The following ZNF367 variants were observed in gnomAD, a reference collection of about 807,000 sequenced individuals.
ZNF367 encodes the protein C2H2 zinc finger protein ZFF29.
Under a neutral mutation model 31.8 loss-of-function variants are expected in ZNF367, and 11 were observed. The observed-to-expected ratio is 0.35, with a 90% CI of 0.22 to 0.57. The LOEUF (loss-of-function observed/expected upper bound fraction) is 0.57. ZNF367 is among the 20% of genes least tolerant of loss of function. ZNF367 has a pLI of 0.85. For synonymous variants in ZNF367, 199 were observed against 202.4 expected (o/e 0.98, Z 0.14); for missense variants, 353 against 484.1 (o/e 0.73, Z 2.54).
intron 4 of ZNF367, among the ~76,000 whole-genome samples, chr9:96,390,990 G>A (rs1057180115): frequency 6.6e-6 from 1 of 151,968 alleles, no homozygotes; most frequent in African/African-American, 2.4e-5. Flanking sequence ...AAAGAGGAGG[G>A]GAGGAAGTGA....
Position 96,395,733 on chromosome 9 carries a change from C to A in ZNF367, c.572-791G>T, listed in dbSNP as rs534722895. Among the ~76,000 whole-genome samples, 6 of 152,322 alleles carry A rather than the reference C, an allele frequency of 3.9e-5. No homozygotes were observed. The East Asian group carries it at 1.2e-3, about 29-fold the overall frequency. On this transcript the variant is annotated intron_variant, in intron 2 of 4. Transcript: ENST00000375256. ...CAAATAATTGAACTTTGTATACCTT[C>A]ATTAACCTGGGGTCCTGTGTTGTTT...
chr9:96,406,373 A>G (rs1417790267), intron 1 of ZNF367, among the ~76,000 whole-genome samples: 2 of 152,250 alleles, frequency 1.3e-5, no homozygotes, highest in East Asian at 3.8e-4. Context: ...CATTGAAAGA[A>G]AAGTTCAATC....
chr9:96,413,005 T>C (rs922867755), intron 1 of ZNF367, among the ~76,000 whole-genome samples: 1 of 152,154 alleles, frequency 6.6e-6, no homozygotes, highest in Non-Finnish European at 1.5e-5. Flanking sequence ...GCCAATAGTA[T>C]GTATTTCTTA....
At chr9:96,392,163 A>G (rs1012473465) in intron 4 of ZNF367, 1 of 584,082 alleles carries the variant, frequency 1.7e-6, no homozygotes, top group Non-Finnish European at 2.9e-6. Flanking sequence ...TCTTCCTTTT[A>G]AAATAAACTG....
intron 1 of ZNF367, among the ~76,000 whole-genome samples, chr9:96,403,095 G>C (rs923705348): frequency 6.6e-6 from 1 of 151,908 alleles, no homozygotes; most frequent in South Asian, 2.1e-4. Flanking sequence ...TCAGCCTCCT[G>C]AGCAGCTGGG....
rs758616736 is a variant in ZNF367 at position 96,388,308 on chromosome 9, G to A, written c.982C>T (p.Arg328Trp). The change falls in exon 5 of 5, where the codon CGG (arginine) becomes TGG (tryptophan). Residue 328 changes from arginine to tryptophan, a missense_variant. This residue lies in a region of ZNF367 where 101 missense variants were observed against 140.0 expected (regional missense o/e 0.72). Coordinates refer to ENST00000375256, the MANE Select transcript of ZNF367 (RefSeq NM_153695.4). ...RGAQRRLQEQ[R>W]ERLHGALALI... is the part of the protein sequence containing the mutation. ...GCGAGGGCTCCATGCAGGCGCTCCC[G>A]CTGCTCCTGCAGCCGGCGCTGGGCC... 1.9e-6 allele frequency: 3 copies of A among 1,612,310 alleles called. No homozygotes were observed. The highest frequency in any genetic ancestry group is 2.5e-6 in the Non-Finnish European group (3 of 1,180,014).
At position 96,392,203 on chromosome 9, in the gene ZNF367, TTTCTATCACACACAGA is replaced by T. The variant is rs1440005642; in HGVS notation, c.830+179_830+194del. The T allele has an allele frequency of 8.3e-6, 6 of 726,186 alleles. No homozygotes were observed. In the African/African-American group the frequency reaches 8.9e-5, roughly 11 times the overall value. 45.0% of individuals were successfully genotyped at this position (726,186 alleles called of 1,614,324 possible). A position where few individuals can be genotyped will look rare whatever the true frequency, so the allele number is the denominator to read the frequency against. On this transcript the variant is annotated intron_variant, in intron 4 of 4. Coordinates refer to ENST00000375256, the MANE Select transcript of ZNF367 (RefSeq NM_153695.4). Reference sequence around the variant, plus strand: ...CTGGGCACTCTAATTATATTGTAATTTTCTATCACACACAGATCCTAAGATCCTAATACCACTCACA... The same window carrying T: ...CTGGGCACTCTAATTATATTGTAATTTCCTAAGATCCTAATACCACTCACA...
chr9:96,407,218 A>G (rs1375174992), intron 1 of ZNF367: 1 of 798,174 alleles, frequency 1.3e-6, no homozygotes, highest in Non-Finnish European at 2.1e-6. Context: ...TGGGTCTTTG[A>G]GACCCGAAAA....
intron 1 of ZNF367, among the ~76,000 whole-genome samples, chr9:96,411,823 T>TTTCTG (rs1435449765): frequency 4.6e-5 from 7 of 152,118 alleles, no homozygotes; most frequent in African/African-American, 1.7e-4. Context: ...CTTTTGGGTT[T>TTTCTG]TTTTGTTTTG....
rs1564147189 is a variant in ZNF367, at chr9:96,418,189, G to T, written c.-157C>A. ...CTGCGCAGCAGCCACCTAACTAGTT[G>T]AGCAGACGGCACCGGCGGGCAGGGC... is the stretch of plus-strand genomic sequence containing the variant. On this transcript the variant is annotated 5_prime_UTR_variant, in exon 1 of 5. Coordinates refer to ENST00000375256, the MANE Select transcript of ZNF367 (RefSeq NM_153695.4). 8.8e-7 allele frequency: 1 copy of T among 1,138,242 alleles called. No individual in the cohort carries two copies. Among genetic ancestry groups the T allele is most frequent in the Non-Finnish European group, 1.1e-6 (1 of 896,110 alleles). 70.5% of individuals were successfully genotyped at this position (1,138,242 alleles called of 1,614,324 possible).
intron 1 of ZNF367, among the ~76,000 whole-genome samples, chr9:96,416,705 T>C (rs1831835110): frequency 6.6e-6 from 1 of 152,244 alleles, no homozygotes. Flanking sequence ...GTTAGCACCA[T>C]TCATTCATTA....
At chr9:96,410,934 C>T (rs1226630287) in intron 1 of ZNF367, among the ~76,000 whole-genome samples, 13 of 151,810 alleles carry the variant, frequency 8.6e-5, no homozygotes, top group Admixed American at 7.2e-4. Context: ...CAGTGGCTCA[C>T]GCCTGTAATC....
At chr9:96,395,146 T>C (rs1831516173) in intron 2 of ZNF367, among the ~76,000 whole-genome samples, 1 of 152,158 alleles carries the variant, frequency 6.6e-6, no homozygotes, top group African/African-American at 2.4e-5. Context: ...CAATCTATTC[T>C]TTAGGCCTTG....
intron 1 of ZNF367, among the ~76,000 whole-genome samples, chr9:96,404,992 C>T (rs1167358750): frequency 1.3e-5 from 2 of 152,016 alleles, no homozygotes; most frequent in African/African-American, 4.8e-5. Flanking sequence ...ATATGGCCAA[C>T]AAATGCAGTT....
intron 1 of ZNF367, among the ~76,000 whole-genome samples, chr9:96,408,161 T>C (rs1022400683): frequency 1.4e-4 from 22 of 151,960 alleles, no homozygotes; most frequent in African/African-American, 4.8e-4. Flanking sequence ...TGTATACATA[T>C]GGAACAAACC....
At chr9:96,405,560 C>CAT (rs530018831) in intron 1 of ZNF367, among the ~76,000 whole-genome samples, 6 of 151,616 alleles carry the variant, frequency 4.0e-5, no homozygotes, top group East Asian at 1.9e-4. Context: ...GTATCGATAT[C>CAT]ATATATATAT....
At chr9:96,392,287 A>C (rs779795758) in intron 4 of ZNF367, 111 bp downstream of exon 4, 1 of 1,502,610 alleles carries the variant, frequency 6.7e-7, no homozygotes, top group South Asian at 1.1e-5. Flanking sequence ...ATTATGTTAT[A>C]AAATGTGTAT....
At position 96,417,260 on chromosome 9, in the gene ZNF367, A is replaced by G. The variant is rs1168343629; in HGVS notation, c.420+353T>C. On this transcript the variant is annotated intron_variant, in intron 1 of 4. Coordinates refer to ENST00000375256, the MANE Select transcript of ZNF367 (RefSeq NM_153695.4). The surrounding 1 kb of genome is among the most constrained non-coding windows in gnomAD (Gnocchi z 5.0). The stretch of plus-strand genomic sequence containing the variant: ...CTCCCTGCCCTCTCGCAGTCGGTGG[A>G]ACAACTCAAGGCCCTCATCCCTCTC... Among the ~76,000 whole-genome samples the G allele has an allele frequency of 6.6e-6, 1 of 152,070 alleles. No individual in the cohort carries two copies. The highest frequency in any genetic ancestry group is 1.5e-5 in the Non-Finnish European group (1 of 68,002).
chr9:96,409,153 A>T (rs939832486), intron 1 of ZNF367, among the ~76,000 whole-genome samples: 1 of 152,088 alleles, frequency 6.6e-6, no homozygotes, highest in Admixed American at 6.6e-5. Context: ...CCTTGATTCG[A>T]AGCTCCCTGA....
Sources: allele counts gnomAD v4.1 joint callset (sites outside exome capture counted in the v4.1 genomes callset), GRCh38; gene constraint gnomAD v4.1.1; regional missense constraint gnomAD v4.1.1; non-coding constraint Gnocchi (gnomAD v3.1); transcripts MANE v1.5; gene names NCBI Gene and HGNC (gene_info 2026-07-23, HGNC 2026-07-21).